ERI1: variants seen among roughly 807,000 people sequenced by gnomAD.
ERI1 encodes 3'-5' exoribonuclease 1.
A neutral mutation model predicts 39.7 loss-of-function variants in ERI1; 39 were observed. The ratio of observed to expected loss-of-function variants is 0.98; its 90% CI spans 0.76 to 1.28. The LOEUF is 1.28. Among genes scored for constraint, ERI1 ranks in the 50% most tolerant of loss-of-function variants. The pLI, the probability that ERI1 is intolerant of heterozygous loss-of-function variation, is 0.00. For missense variants in ERI1, 581 were observed against 416.9 expected (o/e 1.39, Z -3.43); for synonymous variants, 204 against 149.6 (o/e 1.36, Z -2.65).
At chr8:9,084,141 A>G (rs1799455164) in intron 3 of ERI1, among the ~76,000 whole-genome samples, 1 of 151,976 alleles carries the variant, frequency 6.6e-6, no homozygotes, top group Middle Eastern at 3.2e-3. Flanking sequence ...GTGCACCTGT[A>G]GTCCCAGCTA....
At chr8:9,057,949 A>G (rs1245208122) in intron 3 of ERI1, among the ~76,000 whole-genome samples, 2 of 152,216 alleles carry the variant, frequency 1.3e-5, no homozygotes, top group Non-Finnish European at 2.9e-5. Flanking sequence ...ACTTGATGTC[A>G]GAGAAGTCCA....
At position 9,052,296 on chromosome 8, in the gene ERI1, C is replaced by G. The variant is rs144000974; in HGVS notation, n.299+31832C>G. The stretch of plus-strand genomic sequence containing the variant: ...TCTGCTTTCTTCCATTCTTCCGTGT[C>G]CATGGAAAGGACTAGATATACTTTT... On this transcript the variant is annotated intron_variant and non_coding_transcript_variant, in intron 3 of 3. Transcript: ENST00000518663. Among the ~76,000 whole-genome samples, 10 of 152,190 alleles carry G rather than the reference C, an allele frequency of 6.6e-5. No homozygotes were observed. In the East Asian group the frequency reaches 1.7e-3, roughly 26 times the overall value.
chr8:9,074,775 TC>T (rs1181541342), intron 3 of ERI1, among the ~76,000 whole-genome samples: 2 of 152,244 alleles, frequency 1.3e-5, no homozygotes, highest in Non-Finnish European at 2.9e-5. Flanking sequence ...TATGGGAACT[TC>T]CTGTCATATT....
intron 3 of ERI1, among the ~76,000 whole-genome samples, chr8:9,014,381 G>A (rs894804258): frequency 6.6e-6 from 1 of 152,078 alleles, no homozygotes; most frequent in Non-Finnish European, 1.5e-5. Context: ...TCCTATTTAA[G>A]AGTGTGGCCT....
At chr8:9,019,740 A>G (rs931293995) in intron 5 of ERI1, among the ~76,000 whole-genome samples, 5 of 152,170 alleles carry the variant, frequency 3.3e-5, no homozygotes, top group Admixed American at 1.3e-4. Flanking sequence ...AAAGGATTAT[A>G]TCCTGTTCCC....
At chr8:9,044,646 C>A (rs1798123297) in intron 3 of ERI1, among the ~76,000 whole-genome samples, 1 of 152,008 alleles carries the variant, frequency 6.6e-6, no homozygotes, top group South Asian at 2.1e-4. Flanking sequence ...ACAAGCTAAG[C>A]CTTGAAGAAC....
intron 3 of ERI1, among the ~76,000 whole-genome samples, chr8:9,067,525 T>G (rs762650683): frequency 4.6e-5 from 7 of 151,732 alleles, no homozygotes; most frequent in Non-Finnish European, 1.0e-4. Flanking sequence ...CATGGTGGCA[T>G]ACACCTATTG....
intron 3 of ERI1, among the ~76,000 whole-genome samples, chr8:9,092,258 G>A (rs1799730510): frequency 6.6e-6 from 1 of 152,148 alleles, no homozygotes; most frequent in Non-Finnish European, 1.5e-5. Context: ...TGCCCCGCCT[G>A]TGTATGTGTT....
chr8:9,007,326 G>T (rs1174263321), intron 1 of ERI1, among the ~76,000 whole-genome samples: 3 of 152,110 alleles, frequency 2.0e-5, no homozygotes, highest in African/African-American at 4.8e-5. Flanking sequence ...TTGTTTTTAT[G>T]TTGGGCAATT....
At chr8:9,053,705 G>A (rs928345838) in intron 3 of ERI1, among the ~76,000 whole-genome samples, 2 of 152,166 alleles carry the variant, frequency 1.3e-5, no homozygotes, top group African/African-American at 4.8e-5. Context: ...TGGAACTGAG[G>A]CCTTGGTTTG....
At chr8:9,042,015 T>C (rs1338382177) in intron 3 of ERI1, among the ~76,000 whole-genome samples, 5 of 152,184 alleles carry the variant, frequency 3.3e-5, no homozygotes, top group Non-Finnish European at 4.4e-5. Flanking sequence ...ATTATAGGCA[T>C]GAGCCACCGC....
chr8:9,012,860 TTA>T (rs1203563919), intron 3 of ERI1, among the ~76,000 whole-genome samples: 1 of 152,226 alleles, frequency 6.6e-6, no homozygotes, highest in Non-Finnish European at 1.5e-5. Flanking sequence ...TTATAGGTAC[TTA>T]TATGTTTATC....
At chr8:9,023,970 T>C (rs1433071375) in intron 6 of ERI1, among the ~76,000 whole-genome samples, 1 of 151,922 alleles carries the variant, frequency 6.6e-6, no homozygotes, top group African/African-American at 2.4e-5. Context: ...GGCTGATTTT[T>C]TTGTATTTTT....
chr8:9,058,270 G>A (rs1013446313), intron 3 of ERI1, among the ~76,000 whole-genome samples: 4 of 152,188 alleles, frequency 2.6e-5, no homozygotes, highest in African/African-American at 7.2e-5. Context: ...GTGAATGTGC[G>A]CTGAGAGAAA....
chr8:9,089,838 G>GT (rs1799648933), intron 3 of ERI1, among the ~76,000 whole-genome samples: 2 of 152,192 alleles, frequency 1.3e-5, no homozygotes, highest in Non-Finnish European at 2.9e-5. Context: ...AGGTGTGGCA[G>GT]GATGGGTTCA....
intron 6 of ERI1, among the ~76,000 whole-genome samples, chr8:9,021,865 G>T (rs933718478): frequency 7.2e-6 from 1 of 138,106 alleles, no homozygotes; most frequent in Non-Finnish European, 1.5e-5. Flanking sequence ...TAATTCCATT[G>T]TGTGACTATA....
chr8:9,015,943 G>T (rs1248871848), intron 3 of ERI1, among the ~76,000 whole-genome samples: 1 of 152,002 alleles, frequency 6.6e-6, no homozygotes, highest in African/African-American at 2.4e-5. Flanking sequence ...ATAACTGCAG[G>T]CTGGCATTTC....
intron 2 of ERI1, among the ~76,000 whole-genome samples, chr8:9,009,611 C>A (rs1236817537): frequency 1.3e-5 from 2 of 150,706 alleles, no homozygotes; most frequent in Admixed American, 1.3e-4. Flanking sequence ...GTGATCTCGG[C>A]TCACTGCAAC....
intron 3 of ERI1, among the ~76,000 whole-genome samples, chr8:9,078,974 A>C (rs1038186703): frequency 6.6e-6 from 1 of 152,130 alleles, no homozygotes; most frequent in African/African-American, 2.4e-5. Flanking sequence ...AAATGTAAAG[A>C]CTAACCTGGC....
Sources: gnomAD v4.1 joint callset for allele counts (sites outside exome capture counted in the v4.1 genomes callset) on GRCh38, gnomAD v4.1.1 for gene constraint, MANE v1.5 for transcripts, NCBI Gene and HGNC (gene_info 2026-07-23, HGNC 2026-07-21) for gene names.